The following CAST variants were observed in gnomAD, a reference collection of about 807,000 sequenced individuals.
CAST encodes calpastatin.
Under a neutral mutation model 119.6 loss-of-function variants are expected in CAST, and 76 were observed. That is an observed-to-expected ratio of 0.64 (90% CI 0.53 to 0.77). The LOEUF (loss-of-function observed/expected upper bound fraction) is 0.77. CAST is among the 30% of genes least tolerant of loss of function. The pLI is 0.00. For missense variants in CAST, 953 were observed against 946.5 expected (o/e 1.01, Z -0.09); for synonymous variants, 319 against 331.6 (o/e 0.96, Z 0.41).
chr5:96,521,570 CTT>C (rs747956530), upstream of CAST, among the ~76,000 whole-genome samples: 3 of 152,178 alleles, frequency 2.0e-5, no homozygotes, highest in East Asian at 5.8e-4. Context: ...ACTTGTGACT[CTT>C]GTTCCCACAT....
chr5:96,239,692 AAT>A, the CAST span, among the ~76,000 whole-genome samples: 50 of 151,944 alleles, frequency 3.3e-4, no homozygotes, highest in African/African-American at 9.9e-4. Context: ...TATTATCTGG[AAT>A]ATGAATTATT....
the CAST span, among the ~76,000 whole-genome samples, chr5:96,114,936 G>A: frequency 1.5e-4 from 23 of 152,196 alleles, 1 homozygote; most frequent in Non-Finnish European, 3.1e-4. Context: ...CCTCAAGCAA[G>A]TGACTCACAA....
At chr5:96,409,827 A>G in the CAST span, among the ~76,000 whole-genome samples, 1 of 152,334 alleles carries the variant, frequency 6.6e-6, no homozygotes, top group Non-Finnish European at 1.5e-5. Context: ...AAGCAGGCCC[A>G]CACTTCTAAG....
the CAST span, among the ~76,000 whole-genome samples, chr5:96,226,665 A>T: frequency 6.6e-6 from 1 of 152,054 alleles, no homozygotes; most frequent in African/African-American, 2.4e-5. Context: ...TCAAAAAAAG[A>T]TTTAAAAAAA....
At chr5:96,185,710 G>A in the CAST span, among the ~76,000 whole-genome samples, 4 of 152,092 alleles carry the variant, frequency 2.6e-5, no homozygotes, top group Non-Finnish European at 5.9e-5. Context: ...TGGTCTATGT[G>A]TCTGTTCTTG....
At chr5:96,434,744 T>A in the CAST span, among the ~76,000 whole-genome samples, 1 of 152,116 alleles carries the variant, frequency 6.6e-6, no homozygotes, top group Non-Finnish European at 1.5e-5. Flanking sequence ...AAGCAAGAGA[T>A]GTTCCTTACA....
the CAST span, among the ~76,000 whole-genome samples, chr5:96,499,426 T>C: frequency 6.6e-6 from 1 of 152,234 alleles, no homozygotes; most frequent in South Asian, 2.1e-4. Context: ...AAAAACTGTG[T>C]CTTAATTTTA....
At chr5:96,627,218 T>A (rs1747739811) in intron 1 of CAST, among the ~76,000 whole-genome samples, 3 of 152,214 alleles carry the variant, frequency 2.0e-5, no homozygotes, top group Non-Finnish European at 4.4e-5. Flanking sequence ...AGTTACTTCG[T>A]ACCTCTTAGC....
the CAST span, among the ~76,000 whole-genome samples, chr5:96,049,271 A>G: frequency 1.3e-5 from 2 of 152,032 alleles, no homozygotes; most frequent in Middle Eastern, 6.8e-3. Context: ...AGATGGGTTT[A>G]GACTCAAAAT....
At chr5:96,270,050 G>A in the CAST span, among the ~76,000 whole-genome samples, 2 of 152,166 alleles carry the variant, frequency 1.3e-5, no homozygotes, top group Non-Finnish European at 2.9e-5. Flanking sequence ...TCGTGATCAA[G>A]TAGGATTTAT....
intron 1 of CAST, among the ~76,000 whole-genome samples, chr5:96,633,033 G>T (rs1238688238): frequency 6.6e-6 from 1 of 152,082 alleles, no homozygotes; most frequent in Non-Finnish European, 1.5e-5. Context: ...GTGCAGTGGC[G>T]CAATCTCAGC....
At chr5:96,768,084 T>G in intron 29 of CAST, 85 bp downstream of exon 29, 3 of 888,936 alleles carry the variant, frequency 3.4e-6, no homozygotes, top group East Asian at 2.6e-5. Context: ...TTGATTGATC[T>G]ATCTATCGGT....
chr5:96,138,799 A>G, the CAST span, among the ~76,000 whole-genome samples: 1 of 152,036 alleles, frequency 6.6e-6, no homozygotes, highest in Non-Finnish European at 1.5e-5. Context: ...GGACTTGCTT[A>G]TTAGTTCCAG....
At chr5:96,749,731 G>A (rs1411337621) in intron 19 of CAST, among the ~76,000 whole-genome samples, 2 of 152,092 alleles carry the variant, frequency 1.3e-5, no homozygotes, top group Non-Finnish European at 2.9e-5. Context: ...ATTTTCTGCA[G>A]AGCTGGGGTT....
chr5:96,358,597 T>C, the CAST span, among the ~76,000 whole-genome samples: 1 of 152,212 alleles, frequency 6.6e-6, no homozygotes, highest in Non-Finnish European at 1.5e-5. Context: ...TACCCAGTAG[T>C]CATTCAGGAG....
At chr5:96,145,031 C>T in the CAST span, among the ~76,000 whole-genome samples, 3 of 152,256 alleles carry the variant, frequency 2.0e-5, no homozygotes, top group Non-Finnish European at 2.9e-5. Context: ...TGTAGCCTCT[C>T]GGCATGTACT....
Position 96,767,899 on chromosome 5 carries a change from T to C in CAST, c.2176-8T>C, listed in dbSNP as rs1394670775. The C allele has an allele frequency of 6.3e-7, 1 of 1,597,286 alleles. No individual in the cohort carries two copies. Among genetic ancestry groups the C allele is most frequent in the Non-Finnish European group, 8.6e-7 (1 of 1,164,864 alleles). ...CTTCACTGATGGTTATTTCTACTCA[T>C]ATCTCAGAAACCTGCAGATGACCAA... On this transcript the variant is annotated splice_region_variant and splice_polypyrimidine_tract_variant and intron_variant, in intron 28 of 31. Transcript: ENST00000675179.
At chr5:96,466,556 T>G in the CAST span, among the ~76,000 whole-genome samples, 1 of 147,812 alleles carries the variant, frequency 6.8e-6, no homozygotes, top group Non-Finnish European at 1.5e-5. Context: ...CCTGGGTTGT[T>G]TTTTGTGTTT....
At chr5:96,528,444 C>T (rs1745633563), upstream of CAST, among the ~76,000 whole-genome samples, 2 of 152,098 alleles carry the variant, frequency 1.3e-5, no homozygotes, top group South Asian at 4.1e-4. Context: ...TTACACCTCC[C>T]CTAGGACCAG....
Sources: gnomAD v4.1 joint callset for allele counts (sites outside exome capture counted in the v4.1 genomes callset) on GRCh38, gnomAD v4.1.1 for gene constraint, MANE v1.5 for transcripts, NCBI Gene and HGNC (gene_info 2026-07-23, HGNC 2026-07-21) for gene names.